Variants in MSTO1 observed in about 807,000 individuals in gnomAD.
MSTO1 encodes misato mitochondrial distribution and morphology regulator 1.
In MSTO1, 24 loss-of-function variants were observed where a neutral mutation model predicts 55.7. The ratio of observed to expected loss-of-function variants is 0.43; its 90% CI spans 0.31 to 0.61. The LOEUF (loss-of-function observed/expected upper bound fraction) is 0.61. MSTO1 is among the 20% of genes least tolerant of loss of function. The probability of loss-of-function intolerance (pLI) is 0.09; values close to 1 mark genes in which losing one functional copy is unlikely to be tolerated. For synonymous variants in MSTO1, 162 were observed against 252.8 expected (o/e 0.64, Z 3.41); for missense variants, 363 against 625.7 (o/e 0.58, Z 4.48).
the MSTO1 span, chr1:155,602,109 A>C: frequency 1.4e-6 from 1 of 707,806 alleles, no homozygotes; most frequent in Admixed American, 1.8e-5. Flanking sequence ...GATGTTCTGC[A>C]GTCCAACTAC....
chr1:155,613,265 C>T, intron 11 of MSTO1, 32 bp downstream of exon 11: 2 of 1,601,404 alleles, frequency 1.2e-6, no homozygotes, highest in Non-Finnish European at 1.7e-6. Context: ...GAGTCCTTGT[C>T]AGATTTTTGT....
At chr1:155,607,407 C>T (rs1672953247), upstream of MSTO1, among the ~76,000 whole-genome samples, 1 of 152,034 alleles carries the variant, frequency 6.6e-6, no homozygotes, top group African/African-American at 2.4e-5. Context: ...AACTCCTGAC[C>T]TTGTGATCCG....
upstream of MSTO1, among the ~76,000 whole-genome samples, chr1:155,609,234 T>C (rs1243496242): frequency 2.0e-5 from 1 of 51,088 alleles, no homozygotes; most frequent in Non-Finnish European, 4.3e-5. Flanking sequence ...TATATATATA[T>C]ATATATATAT....
chr1:155,595,544 G>C, the MSTO1 span, among the ~76,000 whole-genome samples: 1 of 149,794 alleles, frequency 6.7e-6, no homozygotes, highest in South Asian at 2.1e-4. Flanking sequence ...CTGGAGTGCA[G>C]TGCTGTGATC....
At chr1:155,584,915 GTTTT>G in the MSTO1 span, among the ~76,000 whole-genome samples, 2 of 134,698 alleles carry the variant, frequency 1.5e-5, no homozygotes, top group Non-Finnish European at 3.2e-5. Context: ...TTTTTTTTTT[GTTTT>G]GTTTGTTTGT....
the MSTO1 span, chr1:155,591,088 G>C: frequency 6.2e-7 from 1 of 1,613,648 alleles, no homozygotes; most frequent in Non-Finnish European, 8.5e-7. Context: ...CATCTGGCTA[G>C]TGCTCTGCAC....
chr1:155,594,511 C>T, the MSTO1 span, among the ~76,000 whole-genome samples: 1 of 152,144 alleles, frequency 6.6e-6, no homozygotes, highest in Non-Finnish European at 1.5e-5. Flanking sequence ...GGTCCTATGG[C>T]TATAAATGAA....
At chr1:155,573,124 T>G in the MSTO1 span, among the ~76,000 whole-genome samples, 1 of 152,202 alleles carries the variant, frequency 6.6e-6, no homozygotes, top group East Asian at 1.9e-4. Flanking sequence ...TGAAGTTCCC[T>G]TAACCATGGA....
chr1:155,593,856 C>T, the MSTO1 span, among the ~76,000 whole-genome samples: 1 of 151,896 alleles, frequency 6.6e-6, no homozygotes, highest in Non-Finnish European at 1.5e-5. Flanking sequence ...GTAGTCCCAG[C>T]TACTCGGGAG....
chr1:155,591,114 C>G, the MSTO1 span: 3 of 1,613,566 alleles, frequency 1.9e-6, no homozygotes, highest in African/African-American at 4.0e-5. Flanking sequence ...AGGACATCCA[C>G]AGGCCCTCCC....
chr1:155,605,124 G>A, the MSTO1 span, among the ~76,000 whole-genome samples: 1 of 152,202 alleles, frequency 6.6e-6, no homozygotes, highest in East Asian at 1.9e-4. Context: ...AGCCAGGCAT[G>A]GTGGTGGGCA....
the MSTO1 span, among the ~76,000 whole-genome samples, chr1:155,588,481 G>A: frequency 2.0e-5 from 3 of 152,036 alleles, no homozygotes; most frequent in Non-Finnish European, 2.9e-5. Context: ...ACTCATGAAC[G>A]AGATAATATC....
At chr1:155,600,556 C>CTTTTTTTTTTTTTTTTT in the MSTO1 span, among the ~76,000 whole-genome samples, 22 of 149,884 alleles carry the variant, frequency 1.5e-4, 1 homozygote, top group African/African-American at 5.3e-4. Flanking sequence ...TTTTTTCTTT[C>CTTTTTTTTTTTTTTTTT]TTTTTTTTTG....
the MSTO1 span, among the ~76,000 whole-genome samples, chr1:155,581,363 G>A: frequency 6.6e-6 from 1 of 152,122 alleles, no homozygotes; most frequent in Non-Finnish European, 1.5e-5. Context: ...AATGATGGCA[G>A]TTGAAAAATA....
upstream of MSTO1, among the ~76,000 whole-genome samples, chr1:155,608,540 C>T (rs180759090): frequency 1.5e-3 from 213 of 143,448 alleles, 1 homozygote; most frequent in African/African-American, 4.0e-3. Context: ...GGCTCTGTTG[C>T]CCAAGGTGGA....
At chr1:155,609,391 G>A (rs1482542200), upstream of MSTO1, among the ~76,000 whole-genome samples, 3 of 150,540 alleles carry the variant, frequency 2.0e-5, no homozygotes, top group African/African-American at 4.9e-5. Flanking sequence ...GACTACAGGC[G>A]CCCGCCACCA....
At chr1:155,589,762 C>T in the MSTO1 span, among the ~76,000 whole-genome samples, 2 of 151,664 alleles carry the variant, frequency 1.3e-5, no homozygotes, top group African/African-American at 4.8e-5. Context: ...GCTCATCCTA[C>T]CTTCTTCTGC....
the MSTO1 span, among the ~76,000 whole-genome samples, chr1:155,572,659 C>CT: frequency 1.3e-5 from 2 of 151,026 alleles, no homozygotes; most frequent in South Asian, 4.2e-4. Context: ...ATTTTTTTTT[C>CT]TTTTTTTTGA....
the MSTO1 span, among the ~76,000 whole-genome samples, chr1:155,594,132 T>C: frequency 6.6e-6 from 1 of 152,218 alleles, no homozygotes; most frequent in Middle Eastern, 3.4e-3. Flanking sequence ...CCAGGTGCGG[T>C]GGCTCACACC....
Sources: allele counts gnomAD v4.1 joint callset (sites outside exome capture counted in the v4.1 genomes callset), GRCh38; gene constraint gnomAD v4.1.1; transcripts MANE v1.5; gene names NCBI Gene and HGNC (gene_info 2026-07-23, HGNC 2026-07-21).